LYST: variants seen among roughly 807,000 people sequenced by gnomAD.
The protein encoded by LYST is lysosomal trafficking regulator.
Under a neutral mutation model 413.6 loss-of-function variants are expected in LYST, and 192 were observed. That is an observed-to-expected ratio of 0.46 (90% CI 0.41 to 0.52). The LOEUF is 0.52. Ranked by LOEUF, LYST falls within the 20% of genes least tolerant of loss-of-function variation. LYST has a pLI of 0.00. For synonymous variants in LYST, 1,525 were observed against 1,567.3 expected (o/e 0.97, Z 0.64); for missense variants, 3,815 against 4,499.9 (o/e 0.85, Z 4.35).
rs202201080 is a variant in LYST at position 235,766,111 on chromosome 1, T to C, written c.6089A>G (p.Asn2030Ser). 10 of 1,613,550 alleles carry C rather than the reference T, an allele frequency of 6.2e-6. No homozygotes were observed. The African/African-American group carries it at 1.1e-4, about 17-fold the overall frequency. Residue 2030 changes from asparagine (N) to serine (S), a missense_variant, in exon 21 of 53, where the codon AAT becomes AGT. Around this residue, in one of 4 missense-constraint regions of LYST, gnomAD observed 530 missense variants for 696.5 expected, o/e 0.76. Coordinates refer to ENST00000389793, the MANE Select transcript of LYST (RefSeq NM_000081.4). ...HPPTNTYVCH[N>S]PTNFYFSLHI... ...CAAAGAAAAGTAGAAGTTCGTGGGA[T>C]TGTGACAAACGTAAGTATTAGTAGG...
intron 14 of LYST, among the ~76,000 whole-genome samples, chr1:235,783,747 T>C (rs1315864380): frequency 6.6e-6 from 1 of 152,146 alleles, no homozygotes; most frequent in Admixed American, 6.5e-5. Flanking sequence ...ATATTAAGTA[T>C]CTACTATGTG....
intron 1 of LYST, among the ~76,000 whole-genome samples, chr1:235,862,414 T>C (rs753144298): frequency 6.6e-6 from 1 of 152,148 alleles, no homozygotes; most frequent in African/African-American, 2.4e-5. Flanking sequence ...CTGTTCTGAG[T>C]AGCATGATGA....
In LYST at chr1:235,751,363, C is replaced by T. The variant is rs764555650; in HGVS notation, c.7628-1G>A. 6.2e-7 allele frequency: 1 copy of T among 1,612,564 alleles called. No homozygotes were observed. Among genetic ancestry groups the T allele is most frequent in the African/African-American group, 1.3e-5 (1 of 74,960 alleles). On this transcript the variant is annotated splice_acceptor_variant, in intron 27 of 52. Transcript: ENST00000389793. LOFTEE classifies it high-confidence loss of function. ...CTAAGCTGTAGTGCAACAGCCATAT[C>T]TAAAAACAGAAGATACTAGAATGTT... is the stretch of plus-strand genomic sequence containing the variant.
At chr1:235,776,930 T>C in intron 17 of LYST, 133 bp downstream of exon 17, 1 of 702,076 alleles carries the variant, frequency 1.4e-6, no homozygotes, top group Non-Finnish European at 2.4e-6. Context: ...CATTTTAATA[T>C]GTAATTTTTT....
At chr1:235,763,339 C>T (rs545474480) in intron 21 of LYST, among the ~76,000 whole-genome samples, 1 of 152,074 alleles carries the variant, frequency 6.6e-6, no homozygotes, top group Non-Finnish European at 1.5e-5. Flanking sequence ...ATCTTTTTGC[C>T]CTAAATTTAC....
chr1:235,735,694 A>G (rs985466068), intron 31 of LYST: 4 of 152,166 alleles, frequency 2.6e-5, no homozygotes, highest in Non-Finnish European at 4.4e-5. Context: ...ATTAAATGTC[A>G]GCAAATGGAT....
chr1:235,685,718 C>T (rs564288205), intron 48 of LYST, among the ~76,000 whole-genome samples: 2 of 151,336 alleles, frequency 1.3e-5, no homozygotes, highest in Non-Finnish European at 2.9e-5. Flanking sequence ...TGGTGGTGTG[C>T]GCCTGTAATC....
intron 20 of LYST, among the ~76,000 whole-genome samples, chr1:235,766,685 T>C (rs1479213439): frequency 6.6e-6 from 1 of 152,154 alleles, no homozygotes; most frequent in Non-Finnish European, 1.5e-5. Context: ...TGCTACTTTA[T>C]AGGGTTGTTA....
At chr1:235,787,512 G>A (rs1225790844) in intron 13 of LYST, 139 bp from the exon 14 acceptor site, 1 of 723,654 alleles carries the variant, frequency 1.4e-6, no homozygotes, top group Non-Finnish European at 2.4e-6. Flanking sequence ...TGAAAAGTCA[G>A]TAGGTCTTCG....
At chr1:235,691,062 G>A (rs1241861851) in intron 47 of LYST, among the ~76,000 whole-genome samples, 2 of 151,844 alleles carry the variant, frequency 1.3e-5, no homozygotes, top group Non-Finnish European at 1.5e-5. Context: ...GACTACAGGC[G>A]CCCGCCACCA....
intron 19 of LYST, among the ~76,000 whole-genome samples, chr1:235,772,564 T>C (rs1668815616): frequency 6.6e-6 from 1 of 152,226 alleles, no homozygotes; most frequent in Non-Finnish European, 1.5e-5. Context: ...ACTCATTCCC[T>C]GACTGGGTCC....
chr1:235,803,141 G>A, intron 7 of LYST, 77 bp from the exon 8 acceptor site: 1 of 1,117,156 alleles, frequency 9.0e-7, no homozygotes, highest in Non-Finnish European at 1.3e-6. Context: ...CAAAAGTCAT[G>A]TTAAGGACAG....
intron 32 of LYST, 52 bp from the exon 33 acceptor site, chr1:235,733,958 A>G (rs765047701): frequency 6.5e-6 from 6 of 920,866 alleles, no homozygotes; most frequent in Non-Finnish European, 9.8e-6. Flanking sequence ...TTTCTCACCT[A>G]ACATTGTCAC....
intron 34 of LYST, among the ~76,000 whole-genome samples, chr1:235,731,389 C>T (rs761900167): frequency 6.6e-6 from 1 of 152,204 alleles, no homozygotes; most frequent in Non-Finnish European, 1.5e-5. Flanking sequence ...TCTCCCAGTT[C>T]CTCGCCTGAA....
intron 47 of LYST, among the ~76,000 whole-genome samples, chr1:235,692,191 A>C (rs1224026764): frequency 6.6e-6 from 1 of 151,272 alleles, no homozygotes; most frequent in Non-Finnish European, 1.5e-5. Context: ...AAATTAGCCA[A>C]GTGTGGTGGC....
intron 30 of LYST, 57 bp downstream of exon 30, chr1:235,743,922 T>A: frequency 1.0e-6 from 1 of 983,264 alleles, no homozygotes; most frequent in South Asian, 1.3e-5. Context: ...ACAGTCAACA[T>A]AAAACCTCTA....
Position 235,830,257 on chromosome 1 carries a change from A to T in LYST, c.161T>A (p.Leu54Ter). The T allele has an allele frequency of 6.2e-7, 1 of 1,613,870 alleles. No individual in the cohort carries two copies. ...AATTATAGAATTTAGCTTGGTAAGT[A>T]ATAGAAATCCTCGACCATGGACAAG... ...QYLVHGRGFLLLTKLNSIIDQ... is the reference protein window; with the variant it reads ...QYLVHGRGFL The change falls in exon 3 of 53, where the codon TTA becomes TAA. Residue 54 changes from leucine to a stop codon, truncating the protein, a stop_gained. Coordinates refer to ENST00000389793, the MANE Select transcript of LYST (RefSeq NM_000081.4). LOFTEE classifies it high-confidence loss of function.
At position 235,830,400 on chromosome 1, in the gene LYST, G is replaced by C. The variant is rs563310448; in HGVS notation, c.18C>G (p.Asn6Lys). Residue 6 changes from asparagine to lysine, a missense_variant, in exon 3 of 53, where the codon AAC (asparagine) becomes AAG (lysine). Around this residue, in one of 4 missense-constraint regions of LYST, gnomAD observed 1,648 missense variants for 1,810.3 expected, o/e 0.91. Transcript: ENST00000389793. MSTDSNSLAREFLTDV... is the reference protein window; with the variant it reads MSTDSKSLAREFLTDV... ...CGGTCAGAAATTCACGTGCCAGTGAGTTACTGTCGGTGCTCATGACCGAGC... is the reference window on the plus strand; with the variant it reads ...CGGTCAGAAATTCACGTGCCAGTGACTTACTGTCGGTGCTCATGACCGAGC... 33 of 1,612,846 alleles carry C rather than the reference G, an allele frequency of 2.0e-5. No homozygotes were observed. The highest frequency in any genetic ancestry group is 2.7e-5 in the Non-Finnish European group (32 of 1,179,250).
Position 235,746,370 on chromosome 1 carries a change from G to A in LYST, c.7938C>T (p.Leu2646=), listed in dbSNP as rs184411941. Residue 2646 remains leucine, a synonymous_variant, in exon 29 of 53, where the codon CTC becomes CTT. Coordinates refer to ENST00000389793, the MANE Select transcript of LYST (RefSeq NM_000081.4). ...TAATCCTGTTGACTGCTAAAACAGT[G>A]AGCCTCTGTAGTCTCTGCGCAAGTT... is the stretch of plus-strand genomic sequence containing the variant. ...ETELAQRLQR[L]TVLAVNRIIY... The A allele has an allele frequency of 1.9e-6, 3 of 1,613,900 alleles. No individual in the cohort carries two copies. Among genetic ancestry groups the A allele is most frequent in the African/African-American group, 2.7e-5 (2 of 74,998 alleles).
Sources: allele counts gnomAD v4.1 joint callset (sites outside exome capture counted in the v4.1 genomes callset), GRCh38; gene constraint gnomAD v4.1.1; regional missense constraint gnomAD v4.1.1; transcripts MANE v1.5; gene names NCBI Gene and HGNC (gene_info 2026-07-23, HGNC 2026-07-21).